The following CEP170B variants were observed in gnomAD, a reference collection of about 807,000 sequenced individuals.
CEP170B encodes centrosomal protein of 170 kDa protein B.
In CEP170B, 55 loss-of-function variants were observed where a neutral mutation model predicts 120.6. That is an observed-to-expected ratio of 0.46 (90% confidence interval 0.37 to 0.57). CEP170B has a LOEUF of 0.57. Ranked by LOEUF, CEP170B falls within the 20% of genes least tolerant of loss-of-function variation. CEP170B has a pLI of 0.00. For missense variants in CEP170B, 2,212 were observed against 2,253.3 expected (o/e 0.98, Z 0.37); for synonymous variants, 1,033 against 954.5 (o/e 1.08, Z -1.52).
In CEP170B at chr14:104,880,432, C is replaced by T; in HGVS notation, c.472+7C>T. 2 of 1,610,914 alleles carry T rather than the reference C, an allele frequency of 1.2e-6. No homozygotes were observed. The highest frequency in any genetic ancestry group is 2.2e-5 in the East Asian group (1 of 44,830). ...GACCGGAGACCAGGAACAGGTAGGC[C>T]CAGGCAGTGCGGATGGGGTGAGCAC... On this transcript the variant is annotated splice_region_variant and intron_variant, in intron 6 of 18. Transcript: ENST00000414716.
At position 104,887,141 on chromosome 14, in the gene CEP170B, A is replaced by C. The variant is rs201185891; in HGVS notation, c.2902A>C (p.Lys968Gln). Residue 968 changes from lysine to glutamine, a missense_variant, in exon 12 of 19, where the codon AAG (lysine) becomes CAG (glutamine). Lys to Gln is a moderately conservative substitution (Grantham distance 53). Transcript: ENST00000414716. ...CAGCACCGTCAGCCTGCGTAGTGGC[A>C]AGAGCGGGCCCAGCCCCACAACCCC... ...TASTVSLRSGKSGPSPTTPQP... is the reference protein window; with the variant it reads ...TASTVSLRSGQSGPSPTTPQP... The C allele has an allele frequency of 4.4e-4, 714 of 1,609,894 alleles. 5 individuals carry two copies. The East Asian group carries it at 0.011, about 24-fold the overall frequency.
chr14:104,894,913 C>T lies in CEP170B; in HGVS notation c.4620C>T (p.Leu1540=). 1.3e-6 allele frequency: 2 copies of T among 1,596,396 alleles called. No individual in the cohort carries two copies. The highest frequency in any genetic ancestry group is 1.7e-6 in the Non-Finnish European group (2 of 1,172,056). The change falls in exon 19 of 19, where the codon CTC becomes CTT. Residue 1540 remains leucine (L), a synonymous_variant. Transcript: ENST00000414716. ...GGGCCAGCTGTGGGCCTCCCAGCCT[C>T]CCGGACCCCACCTTCCTCCCTGATG... ...PQRASCGPPS[L]PDPTFLPDAE... is the part of the protein sequence containing the mutation.
In CEP170B at chr14:104,886,542, G is replaced by T. The variant is rs1365345563; in HGVS notation, c.2303G>T (p.Ser768Ile). The T allele has an allele frequency of 1.1e-5, 16 of 1,508,230 alleles. No individual in the cohort carries two copies. The highest frequency in any genetic ancestry group is 1.4e-5 in the Non-Finnish European group (16 of 1,132,204). 93.4% of individuals were successfully genotyped at this position (1,508,230 alleles called of 1,614,324 possible). A position where few individuals can be genotyped will look rare whatever the true frequency, so the allele number is the denominator to read the frequency against. Residue 768 changes from serine to isoleucine, a missense_variant, in exon 12 of 19, where the codon AGC becomes ATC. By Grantham distance (142) the Ser-to-Ile change is moderately radical. Around this residue, in one of 2 missense-constraint regions of CEP170B, gnomAD observed 2,166 missense variants for 2,166.7 expected, o/e 1.00. Transcript: ENST00000414716. ...GPEPGVEPQD[S>I]RRRSPQEGPT... ...GAGCCAGGGGTGGAGCCACAGGACAGCAGACGCAGGAGCCCCCAGGAGGGG... is the reference window on the plus strand; with the variant it reads ...GAGCCAGGGGTGGAGCCACAGGACATCAGACGCAGGAGCCCCCAGGAGGGG...
In CEP170B at chr14:104,894,396, G is replaced by A. The variant is rs142092972; in HGVS notation, c.4365+18G>A. ...CTAACAAGGTGAGCGCTGGGGCCCC[G>A]TGCCCCTTGGCCTGCCCCCAGCCAG... On this transcript the variant is annotated intron_variant, in intron 17 of 18. Transcript: ENST00000414716. The A allele has an allele frequency of 4.1e-4, 660 of 1,611,300 alleles. 3 individuals carry two copies. In the African/African-American group the frequency reaches 8.0e-3, roughly 19 times the overall value.
At chr14:104,880,232 G>A (rs930060879) in intron 5 of CEP170B, 55 bp from the exon 6 acceptor site, 17 of 1,550,164 alleles carry the variant, frequency 1.1e-5, no homozygotes, top group Non-Finnish European at 1.5e-5. Flanking sequence ...GCCCACCCTG[G>A]TGGGTTCCTC....
chr14:104,881,239 G>C (rs989255198), intron 6 of CEP170B, among the ~76,000 whole-genome samples: 17 of 152,138 alleles, frequency 1.1e-4, no homozygotes, highest in Admixed American at 1.0e-3. Context: ...GGGCACAAAG[G>C]GAAGGGAAGG....
rs778741986 is a variant in CEP170B, at chr14:104,883,918, G to T, written c.1139G>T (p.Ser380Ile). The change falls in exon 9 of 19, where the codon AGC (serine) becomes ATC (isoleucine). Residue 380 changes from serine (S) to isoleucine (I), a missense_variant. Physicochemically the swap from Ser to Ile is moderately radical, Grantham distance 142 (BLOSUM62 -2). Around this residue, in one of 2 missense-constraint regions of CEP170B, gnomAD observed 2,166 missense variants for 2,166.7 expected, o/e 1.00. Transcript: ENST00000414716. ...ASAAGVPLEASGEQVRLQRQI... is the reference protein window; with the variant it reads ...ASAAGVPLEAIGEQVRLQRQI... ...GCCGCTGGGGTGCCCTTGGAGGCCA[G>T]CGGGGAGCAGGTGCGGCTGCAGAGG... is the stretch of plus-strand genomic sequence containing the variant. 4 of 1,596,304 alleles carry T rather than the reference G, an allele frequency of 2.5e-6. No individual in the cohort carries two copies. The highest frequency in any genetic ancestry group is 2.6e-6 in the Non-Finnish European group (3 of 1,171,904).
Position 104,877,981 on chromosome 14 carries a change from G to T in CEP170B, c.274+18G>T. On this transcript the variant is annotated intron_variant, in intron 4 of 18. Coordinates refer to ENST00000414716, the MANE Select transcript of CEP170B (RefSeq NM_001112726.3). Reference sequence around the variant, plus strand: ...CGGCTACGATATCCTGCCCCTGAGCGTCCCTCCTCCTGGGCTTCTTCTCAG... The same window carrying T: ...CGGCTACGATATCCTGCCCCTGAGCTTCCCTCCTCCTGGGCTTCTTCTCAG... 1 of 1,593,144 alleles carries T rather than the reference G, an allele frequency of 6.3e-7. No homozygotes were observed. The highest frequency in any genetic ancestry group is 1.1e-5 in the South Asian group (1 of 88,238).
Position 104,884,367 on chromosome 14 carries a change from C to G in CEP170B, c.1588C>G (p.Leu530Val). 2.6e-6 allele frequency: 4 copies of G among 1,546,592 alleles called. No homozygotes were observed. The highest frequency in any genetic ancestry group is 3.5e-6 in the Non-Finnish European group (4 of 1,146,122). The change falls in exon 9 of 19, where the codon CTG becomes GTG. Residue 530 changes from leucine to valine, a missense_variant. Coordinates refer to ENST00000414716, the MANE Select transcript of CEP170B (RefSeq NM_001112726.3). ...GGTTCCTCCGGTGCTGCCCGCTCCC[C>G]TGACACCCCATGGGACCAGCCCCGT... ...EKVPPVLPAPLTPHGTSPVGP... is the reference protein window; with the variant it reads ...EKVPPVLPAPVTPHGTSPVGP...
chr14:104,877,449 G>A (rs967112507), intron 3 of CEP170B, among the ~76,000 whole-genome samples: 13 of 152,196 alleles, frequency 8.5e-5, no homozygotes, highest in Admixed American at 7.2e-4. Flanking sequence ...CCTGGAGGGG[G>A]GTATCAGACC....
chr14:104,879,716 CGTGCCCTTTCCCCGGT>C lies in CEP170B; in HGVS notation c.334-566_334-551del, dbSNP rs1566858267. ...CAGCCTTCAGGGGTGGGCATCCTTG[CGTGCCCTTTCCCCGGT>C]GTGCTGGCGACACGCACAGCCGGGG... On this transcript the variant is annotated intron_variant, in intron 5 of 18. Transcript: ENST00000414716. 2.0e-5 allele frequency among the ~76,000 whole-genome samples: 3 copies of C among 152,302 alleles called. No homozygotes were observed. The East Asian group carries it at 5.8e-4, about 29-fold the overall frequency.
In CEP170B at chr14:104,894,874, G is replaced by A; in HGVS notation, c.4581G>A (p.Arg1527=). The A allele has an allele frequency of 6.2e-7, 1 of 1,607,858 alleles. No individual in the cohort carries two copies. Among genetic ancestry groups the A allele is most frequent in the South Asian group, 1.1e-5 (1 of 90,584 alleles). The change falls in exon 19 of 19, where the codon AGG becomes AGA. Residue 1527 remains arginine, a synonymous_variant. Transcript: ENST00000414716. ...CCCTGCTGCCAGCCCTGCCCCTGAG[G>A]AATTTCCCACAGCGGGCCAGCTGTG... is the stretch of plus-strand genomic sequence containing the variant. ...AEALLPALPL[R]NFPQRASCGP...
intron 10 of CEP170B, 121 bp from the exon 11 acceptor site, chr14:104,885,919 G>A: frequency 2.3e-6 from 2 of 887,494 alleles, no homozygotes; most frequent in Non-Finnish European, 3.3e-6. Flanking sequence ...GGCAGGCCCT[G>A]GGTGGCGCGC....
At chr14:104,894,451 T>C (rs1896991303) in intron 17 of CEP170B, 73 bp downstream of exon 17, 1 of 1,605,956 alleles carries the variant, frequency 6.2e-7, no homozygotes, top group African/African-American at 1.3e-5. Flanking sequence ...CCCCAAACCT[T>C]GTCCCAGCTC....
intron 6 of CEP170B, among the ~76,000 whole-genome samples, chr14:104,881,253 G>A (rs1047410284): frequency 2.6e-5 from 4 of 152,102 alleles, no homozygotes; most frequent in Non-Finnish European, 4.4e-5. Flanking sequence ...GGGAAGGAGC[G>A]AGAGTGAGAA....
intron 2 of CEP170B, among the ~76,000 whole-genome samples, chr14:104,871,666 T>TG (rs1895492528): frequency 1.3e-5 from 2 of 152,026 alleles, no homozygotes; most frequent in South Asian, 4.2e-4. Flanking sequence ...TACTGGGGAC[T>TG]GGGCGGTCAG....
At position 104,886,894 on chromosome 14, in the gene CEP170B, C is replaced by A; in HGVS notation, c.2655C>A (p.His885Gln). The change falls in exon 12 of 19, where the codon CAC becomes CAA. Residue 885 changes from histidine to glutamine, a missense_variant. His to Gln is a conservative substitution (Grantham distance 24, BLOSUM62 0). Transcript: ENST00000414716. ...CCCCAGCGCCCGGCAAGCCCCCCCA[C>A]ATCTCCAGCCACCCGCTTCTACAGG... ...SGPPAPGKPP[H>Q]ISSHPLLQDL... 1 of 1,610,464 alleles carries A rather than the reference C, an allele frequency of 6.2e-7. No homozygotes were observed. The highest frequency in any genetic ancestry group is 8.5e-7 in the Non-Finnish European group (1 of 1,179,808).
intron 2 of CEP170B, among the ~76,000 whole-genome samples, chr14:104,872,262 G>GCGTGTGTGTGCCATGTGTGTA (rs1895549058): frequency 7.1e-6 from 1 of 140,132 alleles, no homozygotes; most frequent in African/African-American, 2.8e-5. Flanking sequence ...CCATGTGTGT[G>GCGTGTGTGTGCCATGTGTGTA]CGTGTGGGTG....
At chr14:104,880,112 C>T (rs72700175) in intron 5 of CEP170B, among the ~76,000 whole-genome samples, 175 bp from the exon 6 acceptor site, 4,319 of 152,272 alleles carry the variant, frequency 0.028, 71 homozygotes, top group Middle Eastern at 0.078. Flanking sequence ...GACCCCGAGC[C>T]GTGTTACCTG....
Sources: allele counts gnomAD v4.1 joint callset (sites outside exome capture counted in the v4.1 genomes callset), GRCh38; gene constraint gnomAD v4.1.1; regional missense constraint gnomAD v4.1.1; transcripts MANE v1.5; gene names NCBI Gene and HGNC (gene_info 2026-07-23, HGNC 2026-07-21).